Variants in DOCK9 observed in about 807,000 individuals in gnomAD.
DOCK9 encodes the protein dedicator of cytokinesis protein 9.
A neutral mutation model predicts 263.3 loss-of-function variants in DOCK9; 89 were observed. The ratio of observed to expected loss-of-function variants is 0.34; its 90% CI spans 0.28 to 0.40. The LOEUF (loss-of-function observed/expected upper bound fraction) is 0.40. Among genes scored for constraint, DOCK9 ranks in the 10% least tolerant of loss-of-function variants. The probability of loss-of-function intolerance (pLI) is 1.00; values close to 1 mark genes in which losing one functional copy is unlikely to be tolerated. For synonymous variants in DOCK9, 976 were observed against 973.1 expected, an observed-to-expected ratio of 1.00 and a Z score of -0.06; for missense variants, 2,140 against 2,603.4, an observed-to-expected ratio of 0.82 and a Z score of 3.87.
chr13:98,860,207 AG>A (rs2093820540), intron 33 of DOCK9, 197 bp downstream of exon 33: 3 of 1,422,058 alleles, frequency 2.1e-6, no homozygotes, highest in Admixed American at 2.9e-5. Flanking sequence ...GAGGAGTCAC[AG>A]GCATCCGGGA....
At chr13:98,802,763 C>A (rs1333016273) in intron 49 of DOCK9, among the ~76,000 whole-genome samples, 1 of 152,042 alleles carries the variant, frequency 6.6e-6, no homozygotes, top group East Asian at 1.9e-4. Flanking sequence ...AAGGCCTGGG[C>A]TCCCTTTGAC....
Position 99,021,500 on chromosome 13 carries a change from G to A in DOCK9, c.129+64723C>T, listed in dbSNP as rs190551147. On this transcript the variant is annotated intron_variant, in intron 1 of 32. Transcript: ENST00000427887. The stretch of plus-strand genomic sequence containing the variant: ...TAAAAATACAAAAAATTAGCCGGGC[G>A]TGGTGGCGGGCGCCTGTAGTCCCAG... Among the ~76,000 whole-genome samples, 1,421 of 152,092 alleles carry A rather than the reference G, an allele frequency of 9.3e-3. 10 individuals are homozygous for A. The highest frequency in any genetic ancestry group is 0.014 in the Middle Eastern group (4 of 294).
At chr13:99,082,268 A>G (rs1233027071) in intron 1 of DOCK9, among the ~76,000 whole-genome samples, 2 of 151,790 alleles carry the variant, frequency 1.3e-5, no homozygotes, top group Admixed American at 6.6e-5. Flanking sequence ...CTGTAATCCT[A>G]GCACTTTGGG....
intron 1 of DOCK9, among the ~76,000 whole-genome samples, chr13:99,022,218 G>A (rs928826964): frequency 1.3e-5 from 2 of 152,134 alleles, no homozygotes; most frequent in Non-Finnish European, 2.9e-5. Flanking sequence ...CAGGTCCAGA[G>A]GGCACAGTGT....
intron 52 of DOCK9, among the ~76,000 whole-genome samples, chr13:98,795,438 C>G (rs1043970879): frequency 1.3e-5 from 2 of 152,218 alleles, no homozygotes; most frequent in African/African-American, 4.8e-5. Flanking sequence ...AAGTCTACCC[C>G]CGCCACGGCC....
At chr13:98,939,716 C>T (rs1333407432) in intron 2 of DOCK9, among the ~76,000 whole-genome samples, 1 of 152,208 alleles carries the variant, frequency 6.6e-6, no homozygotes, top group Non-Finnish European at 1.5e-5. Context: ...GCCCATCTCC[C>T]TCACTGAGTT....
chr13:98,888,982 C>T (rs1294641469), intron 15 of DOCK9, among the ~76,000 whole-genome samples: 1 of 152,174 alleles, frequency 6.6e-6, no homozygotes, highest in Non-Finnish European at 1.5e-5. Context: ...ATATGTATTA[C>T]TGGTTTTATA....
At chr13:98,934,860 T>C (rs1321824209) in intron 2 of DOCK9, among the ~76,000 whole-genome samples, 2 of 152,192 alleles carry the variant, frequency 1.3e-5, no homozygotes, top group Admixed American at 6.5e-5. Context: ...CATTCATCTA[T>C]CCATCTATCC....
intron 1 of DOCK9, among the ~76,000 whole-genome samples, chr13:99,069,274 T>C (rs1475805380): frequency 6.6e-6 from 1 of 152,226 alleles, no homozygotes; most frequent in Non-Finnish European, 1.5e-5. Flanking sequence ...CTTTTTTAGA[T>C]TAATTTTCTA....
At chr13:98,828,417 AT>A (rs2092630413) in intron 43 of DOCK9, among the ~76,000 whole-genome samples, 1 of 152,222 alleles carries the variant, frequency 6.6e-6, no homozygotes, top group Non-Finnish European at 1.5e-5. Flanking sequence ...TCTCTTAGTT[AT>A]TCCTTTTTAT....
intron 33 of DOCK9, chr13:98,859,316 A>T (rs2093788036): frequency 6.6e-6 from 1 of 152,218 alleles, no homozygotes. Flanking sequence ...ATTTTGCATG[A>T]ATTAACTCTT....
At chr13:98,902,571 A>G in intron 11 of DOCK9, 80 bp from the exon 12 acceptor site, 1 of 1,382,776 alleles carries the variant, frequency 7.2e-7, no homozygotes, top group East Asian at 2.4e-5. Flanking sequence ...GAGAAATGAC[A>G]AGACCTATTT....
chr13:98,956,951 C>G (rs1210503984), intron 1 of DOCK9, among the ~76,000 whole-genome samples: 2 of 152,086 alleles, frequency 1.3e-5, no homozygotes. Flanking sequence ...CTATTTGTTT[C>G]CAAAACCTGT....
At chr13:98,950,464 A>G (rs2057279669) in intron 2 of DOCK9, 2 of 561,296 alleles carry the variant, frequency 3.6e-6, no homozygotes, top group East Asian at 6.3e-5. Context: ...AGTATCTAAT[A>G]TTTTTTAAAT....
chr13:98,808,683 G>C, intron 47 of DOCK9: 1 of 1,570,518 alleles, frequency 6.4e-7, no homozygotes, highest in Non-Finnish European at 8.7e-7. Context: ...TTGCTATAAA[G>C]TTATAAAAGA....
intron 1 of DOCK9, among the ~76,000 whole-genome samples, chr13:99,022,459 T>A (rs1886229118): frequency 6.6e-6 from 1 of 152,162 alleles, no homozygotes; most frequent in African/African-American, 2.4e-5. Context: ...GGCAAACAGT[T>A]CCTGTGGGCA....
chr13:98,982,642 T>C (rs532957294), upstream of DOCK9, among the ~76,000 whole-genome samples: 5 of 152,350 alleles, frequency 3.3e-5, no homozygotes, highest in South Asian at 8.3e-4. Flanking sequence ...TGAATGCTGA[T>C]AGCAGGTTTG....
intron 1 of DOCK9, among the ~76,000 whole-genome samples, chr13:98,958,398 G>A (rs1324672860): frequency 6.6e-6 from 1 of 152,260 alleles, no homozygotes; most frequent in African/African-American, 2.4e-5. Flanking sequence ...TGCCTTGGGT[G>A]GGGGTGAGAG....
chr13:98,844,266 T>C (rs10459306), intron 38 of DOCK9, among the ~76,000 whole-genome samples: 36,238 of 152,132 alleles, frequency 0.24, 4,695 homozygotes, highest in East Asian at 0.43. Context: ...AACTCAGAAG[T>C]AGCATTTTAT....
Sources: gnomAD v4.1 joint callset for allele counts (sites outside exome capture counted in the v4.1 genomes callset) on GRCh38, gnomAD v4.1.1 for gene constraint, MANE v1.5 for transcripts, NCBI Gene and HGNC (gene_info 2026-07-23, HGNC 2026-07-21) for gene names.